TRPM7: variants seen among roughly 807,000 people sequenced by gnomAD.
The protein encoded by TRPM7 is transient receptor potential cation channel subfamily M member 7.
TRPM7 carries 134 observed loss-of-function variants against 229.7 expected under a neutral mutation model. That is an observed-to-expected ratio of 0.58 (90% confidence interval 0.51 to 0.67). The LOEUF (loss-of-function observed/expected upper bound fraction) is 0.67, where lower values mean the gene tolerates loss of function less well. Ranked by LOEUF, TRPM7 falls within the 30% of genes least tolerant of loss-of-function variation. The pLI, the probability that TRPM7 is intolerant of heterozygous loss-of-function variation, is 0.00. For synonymous variants in TRPM7, 699 were observed against 715.2 expected (o/e 0.98, Z 0.36); for missense variants, 1,901 against 2,210.0 (o/e 0.86, Z 2.80).
intron 2 of TRPM7, among the ~76,000 whole-genome samples, chr15:50,662,263 G>T (rs2061742869): frequency 6.6e-6 from 1 of 150,892 alleles, no homozygotes; most frequent in South Asian, 2.1e-4. Flanking sequence ...TGAGGCAAGA[G>T]AATGGCCTGA....
chr15:50,619,432 G>A (rs1320756180), intron 13 of TRPM7, among the ~76,000 whole-genome samples: 1 of 151,394 alleles, frequency 6.6e-6, no homozygotes, highest in Non-Finnish European at 1.5e-5. Context: ...ATGCTGCCCA[G>A]GCTGGTCTTG....
intron 1 of TRPM7, among the ~76,000 whole-genome samples, chr15:50,679,538 A>ATATTTTTTTTTTTTTTT (rs1400383980): frequency 1.4e-4 from 6 of 43,902 alleles, no homozygotes; most frequent in African/African-American, 6.4e-4. Flanking sequence ...ATATATATAT[A>ATATTTTTTTTTTTTTTT]TTTTTTTTTT....
chr15:50,574,553 T>G (rs555007644), intron 35 of TRPM7, 74 bp from the exon 36 acceptor site: 2 of 1,548,658 alleles, frequency 1.3e-6, no homozygotes, highest in East Asian at 2.2e-5. Flanking sequence ...AAATGGATAA[T>G]TAAATATTCA....
chr15:50,603,370 G>C (rs1327012180), intron 21 of TRPM7, among the ~76,000 whole-genome samples: 2 of 151,674 alleles, frequency 1.3e-5, no homozygotes, highest in Non-Finnish European at 2.9e-5. Flanking sequence ...ACAATGTGCA[G>C]GTTTGTTACA....
intron 22 of TRPM7, among the ~76,000 whole-genome samples, chr15:50,596,819 C>T (rs1367332612): frequency 5.3e-5 from 8 of 152,122 alleles, no homozygotes; most frequent in East Asian, 3.9e-4. Flanking sequence ...GGCGCGATCT[C>T]GGCTCACTGC....
chr15:50,678,682 A>G (rs1447911389), intron 1 of TRPM7, among the ~76,000 whole-genome samples: 1 of 152,016 alleles, frequency 6.6e-6, no homozygotes, highest in African/African-American at 2.4e-5. Flanking sequence ...TTTTAAAGAT[A>G]TTATTGAAAA....
intron 13 of TRPM7, among the ~76,000 whole-genome samples, chr15:50,616,251 A>G (rs1331263409): frequency 6.6e-6 from 1 of 152,236 alleles, no homozygotes; most frequent in East Asian, 1.9e-4. Flanking sequence ...AAAAATATTC[A>G]ATTACTACCT....
chr15:50,655,900 G>C (rs1401177443), intron 3 of TRPM7, among the ~76,000 whole-genome samples: 3 of 151,742 alleles, frequency 2.0e-5, no homozygotes, highest in South Asian at 2.1e-4. Context: ...TGAGGCAGGA[G>C]AATCACTTGA....
intron 5 of TRPM7, among the ~76,000 whole-genome samples, chr15:50,641,501 G>A (rs1010178114): frequency 6.6e-6 from 1 of 152,200 alleles, no homozygotes; most frequent in African/African-American, 2.4e-5. Flanking sequence ...CAAAATAGCA[G>A]CCCTTCCATC....
At chr15:50,658,930 G>T (rs547339171) in intron 2 of TRPM7, among the ~76,000 whole-genome samples, 131 of 152,338 alleles carry the variant, frequency 8.6e-4, no homozygotes, top group South Asian at 4.1e-3. Flanking sequence ...CAGGCGCAGT[G>T]GCTCACGCCT....
chr15:50,641,822 A>G (rs1344323176), intron 5 of TRPM7, among the ~76,000 whole-genome samples: 1 of 152,104 alleles, frequency 6.6e-6, no homozygotes, highest in Admixed American at 6.6e-5. Context: ...CAACATAGTG[A>G]AACCCCATCT....
chr15:50,614,341 A>G, intron 13 of TRPM7, 78 bp from the exon 14 acceptor site: 1 of 1,279,548 alleles, frequency 7.8e-7, no homozygotes, highest in East Asian at 2.4e-5. Context: ...GAACAGGCCT[A>G]CTCTCCAAAA....
Position 50,560,117 on chromosome 15 carries a change from C to G in TRPM7, c.*1561G>C, listed in dbSNP as rs2141408825. ...ACAGCCCATATTGCCCTTTTTTGGC[C>G]TAACAAAAAACAGATTTCTAAGAAG... On this transcript the variant is annotated 3_prime_UTR_variant, in exon 39 of 39. Coordinates refer to ENST00000646667, the MANE Select transcript of TRPM7 (RefSeq NM_017672.6). 6.6e-6 allele frequency: 1 copy of G among 150,968 alleles called. No homozygotes were observed. The highest frequency in any genetic ancestry group is 2.1e-4 in the South Asian group (1 of 4,766). 9.4% of individuals were successfully genotyped at this position (150,968 alleles called of 1,614,324 possible).
chr15:50,614,405 C>T (rs981741373), intron 13 of TRPM7, 142 bp from the exon 14 acceptor site: 2 of 726,928 alleles, frequency 2.8e-6, no homozygotes, highest in Admixed American at 3.4e-5. Flanking sequence ...TGGCTCACGC[C>T]TGTAATCCCA....
In TRPM7 at chr15:50,634,527, G is replaced by T; in HGVS notation, c.862C>A (p.Leu288Ile). The T allele has an allele frequency of 1.3e-6, 2 of 1,519,012 alleles. No homozygotes were observed. Among genetic ancestry groups the T allele is most frequent in the East Asian group, 2.6e-5 (1 of 38,576 alleles). 94.1% of individuals were successfully genotyped at this position (1,519,012 alleles called of 1,614,324 possible). A position where few individuals can be genotyped will look rare whatever the true frequency, so the allele number is the denominator to read the frequency against. ...RIGQGVPVVA[L>I]IFEGGPNVIL... ...ACATTTGGCCCACCCTCAAATATAAGTGCCACCACAGGGACACCCTGGCCA... is the reference window on the plus strand; with the variant it reads ...ACATTTGGCCCACCCTCAAATATAATTGCCACCACAGGGACACCCTGGCCA... Residue 288 changes from leucine to isoleucine, a missense_variant, in exon 8 of 39, where the codon CTT becomes ATT. Leu to Ile is a conservative substitution (Grantham distance 5). Coordinates refer to ENST00000646667, the MANE Select transcript of TRPM7 (RefSeq NM_017672.6).
chr15:50,611,806 T>C (rs1486656157), intron 16 of TRPM7, among the ~76,000 whole-genome samples: 1 of 152,218 alleles, frequency 6.6e-6, no homozygotes, highest in Non-Finnish European at 1.5e-5. Flanking sequence ...GCCCTCTAAA[T>C]ACCCCACTTG....
In TRPM7 at chr15:50,619,726, G is replaced by T. The variant is rs1224316904; in HGVS notation, c.1494+19C>A. On this transcript the variant is annotated intron_variant, in intron 13 of 38. Coordinates refer to ENST00000646667, the MANE Select transcript of TRPM7 (RefSeq NM_017672.6). ...TTTTTTAAAATAACATTTTTCAAAA[G>T]CAAAAAATAATCTCTTACCTGTTTG... 1.3e-6 allele frequency: 2 copies of T among 1,543,492 alleles called. No individual in the cohort carries two copies. The highest frequency in any genetic ancestry group is 1.4e-5 in the African/African-American group (1 of 70,876).
intron 4 of TRPM7, among the ~76,000 whole-genome samples, chr15:50,646,095 C>CA (rs2061254926): frequency 2.2e-5 from 3 of 134,102 alleles, no homozygotes; most frequent in African/African-American, 8.4e-5. Context: ...CCAGCCTGGG[C>CA]AACAGAGCGA....
intron 6 of TRPM7, among the ~76,000 whole-genome samples, chr15:50,638,899 G>A (rs917854841): frequency 6.6e-6 from 1 of 151,920 alleles, no homozygotes; most frequent in Admixed American, 6.6e-5. Context: ...CAGGCTGGTC[G>A]TGAACTCCTG....
Sources: gnomAD v4.1 joint callset for allele counts (sites outside exome capture counted in the v4.1 genomes callset) on GRCh38, gnomAD v4.1.1 for gene constraint, MANE v1.5 for transcripts, NCBI Gene and HGNC (gene_info 2026-07-23, HGNC 2026-07-21) for gene names.